MILR1: variants seen among roughly 807,000 people sequenced by gnomAD.
MILR1 encodes the protein mast cell immunoglobulin like receptor 1.
A neutral mutation model predicts 18.5 loss-of-function variants in MILR1; 31 were observed. The ratio of observed to expected loss-of-function variants is 1.68; its 90% CI spans 1.26 to 2.26. The LOEUF is 2.26. Ranked by LOEUF, MILR1 falls within the 30% of genes most tolerant of loss-of-function variation. The probability of loss-of-function intolerance (pLI) is 0.00; values close to 1 mark genes in which losing one functional copy is unlikely to be tolerated. For missense variants in MILR1, 257 were observed against 157.4 expected, an observed-to-expected ratio of 1.63 and a Z score of -3.38; for synonymous variants, 85 against 56.2, an observed-to-expected ratio of 1.51 and a Z score of -2.30.
At chr17:64,497,097 AG>A in the MILR1 span, 4 of 955,494 alleles carry the variant, frequency 4.2e-6, no homozygotes, top group Non-Finnish European at 6.5e-6. Flanking sequence ...TGCGGGCGGC[AG>A]GCCCCACCCC....
the MILR1 span, among the ~76,000 whole-genome samples, chr17:64,475,422 G>C: frequency 6.6e-6 from 1 of 152,008 alleles, no homozygotes; most frequent in Non-Finnish European, 1.5e-5. Context: ...GCCGAGGCGG[G>C]CGGATCACCT....
chr17:64,482,910 T>G, the MILR1 span: 1 of 1,455,440 alleles, frequency 6.9e-7, no homozygotes, highest in Non-Finnish European at 9.5e-7. Context: ...TTAAACTCAT[T>G]TAACTCACCT....
chr17:64,485,887 GA>G, the MILR1 span: 1 of 1,613,188 alleles, frequency 6.2e-7, no homozygotes, highest in Non-Finnish European at 8.5e-7. Context: ...AAAAACAGAA[GA>G]AAAATAATCA....
At chr17:64,494,478 C>T in the MILR1 span, among the ~76,000 whole-genome samples, 5 of 152,222 alleles carry the variant, frequency 3.3e-5, no homozygotes, top group African/African-American at 1.2e-4. Context: ...TCAATGATAT[C>T]GGGGTTTGCA....
the MILR1 span, among the ~76,000 whole-genome samples, chr17:64,476,512 T>C: frequency 6.6e-6 from 1 of 152,128 alleles, no homozygotes; most frequent in East Asian, 1.9e-4. Flanking sequence ...AGACCCTGTC[T>C]CTTAAATTAA....
the MILR1 span, among the ~76,000 whole-genome samples, chr17:64,475,802 C>T: frequency 1.3e-5 from 2 of 148,754 alleles, no homozygotes; most frequent in African/African-American, 5.0e-5. Context: ...ACACTACTAC[C>T]ACTTCCTTTT....
intron 5 of MILR1, among the ~76,000 whole-genome samples, chr17:64,465,186 G>A (rs2037525106): frequency 6.6e-6 from 1 of 152,216 alleles, no homozygotes; most frequent in Admixed American, 6.5e-5. Flanking sequence ...AAGAAAATAA[G>A]TCTGGCTAGT....
the MILR1 span, among the ~76,000 whole-genome samples, chr17:64,490,032 C>T: frequency 6.6e-6 from 1 of 151,788 alleles, no homozygotes; most frequent in Non-Finnish European, 1.5e-5. Flanking sequence ...TCAAGCGATT[C>T]TCCTGCCTCA....
At chr17:64,496,257 T>C in the MILR1 span, 1 of 612,082 alleles carries the variant, frequency 1.6e-6, no homozygotes, top group Non-Finnish European at 2.9e-6. Flanking sequence ...GGTAGAGCAC[T>C]GTTAATATAT....
At chr17:64,476,553 A>C in the MILR1 span, among the ~76,000 whole-genome samples, 1 of 152,062 alleles carries the variant, frequency 6.6e-6, no homozygotes, top group East Asian at 1.9e-4. Flanking sequence ...AATTACTGAT[A>C]TAATATGGAA....
chr17:64,484,109 C>T, the MILR1 span: 1 of 152,100 alleles, frequency 6.6e-6, no homozygotes, highest in Non-Finnish European at 1.5e-5. Flanking sequence ...CTCCGTCTCT[C>T]GTGGCAGGGA....
chr17:64,464,108 C>T (rs2037493598), intron 5 of MILR1, among the ~76,000 whole-genome samples: 2 of 148,714 alleles, frequency 1.3e-5, no homozygotes, highest in East Asian at 2.0e-4. Flanking sequence ...TGAGCCACCG[C>T]GCCTGACATT....
At chr17:64,452,568 A>G in intron 2 of MILR1, 29 bp from the exon 3 acceptor site, 1 of 413,234 alleles carries the variant, frequency 2.4e-6, no homozygotes, top group East Asian at 3.6e-5. Flanking sequence ...CTTAAGAAGG[A>G]CTTTTTCTTG....
chr17:64,456,154 C>T (rs1211822795), intron 3 of MILR1, among the ~76,000 whole-genome samples: 1 of 152,136 alleles, frequency 6.6e-6, no homozygotes, highest in African/African-American at 2.4e-5. Context: ...TTCTCAATCT[C>T]TCTGAAGCAC....
rs1568070975 is a variant in MILR1, at chr17:64,465,600, T to C, written c.853+59T>C. 3 of 1,542,142 alleles carry C rather than the reference T, an allele frequency of 1.9e-6. No homozygotes were observed. In the East Asian group the frequency reaches 7.3e-5, roughly 37 times the overall value. ...TCAGGTTTTTGTCTTTTTATTTTGT[T>C]AAGGTTGTACAGACATACGGGAGTG... On this transcript the variant is annotated intron_variant, in intron 6 of 9. Coordinates refer to ENST00000619286, the MANE Select transcript of MILR1 (RefSeq NM_001085423.2).
At chr17:64,477,669 G>C in the MILR1 span, 12 of 891,262 alleles carry the variant, frequency 1.3e-5, no homozygotes, top group East Asian at 3.2e-4. Context: ...ACATATTCCT[G>C]ATACAATGAA....
the MILR1 span, chr17:64,485,864 C>T: frequency 2.0e-5 from 32 of 1,613,884 alleles, no homozygotes; most frequent in Admixed American, 2.5e-4. Flanking sequence ...TCGTCCATCT[C>T]GGCCCTTCAC....
chr17:64,487,059 C>A, the MILR1 span: 1 of 151,894 alleles, frequency 6.6e-6, no homozygotes, highest in South Asian at 2.1e-4. Flanking sequence ...ACTTAAATAA[C>A]CACCTTTAGC....
the MILR1 span, chr17:64,491,590 G>A: frequency 6.5e-7 from 1 of 1,549,144 alleles, no homozygotes; most frequent in Non-Finnish European, 8.9e-7. Context: ...CTGCCAAGCT[G>A]GATCTTGATG....
Sources: allele counts gnomAD v4.1 joint callset (sites outside exome capture counted in the v4.1 genomes callset), GRCh38; gene constraint gnomAD v4.1.1; transcripts MANE v1.5; gene names NCBI Gene and HGNC (gene_info 2026-07-23, HGNC 2026-07-21).